The following RBFOX1 variants were observed in gnomAD, a reference collection of about 807,000 sequenced individuals.
The protein encoded by RBFOX1 is RNA binding protein fox-1 homolog 1.
A neutral mutation model predicts 57.7 loss-of-function variants in RBFOX1; 8 were observed. That is an observed-to-expected ratio of 0.14 (90% CI 0.08 to 0.25). RBFOX1 has a LOEUF of 0.25. RBFOX1 is among the 10% of genes least tolerant of loss of function. The pLI is 1.00. For missense variants in RBFOX1, 611 were observed against 548.5 expected, an observed-to-expected ratio of 1.11 and a Z score of -1.14; for synonymous variants, 326 against 222.4, an observed-to-expected ratio of 1.47 and a Z score of -4.15.
intron 4 of RBFOX1, among the ~76,000 whole-genome samples, chr16:5,867,847 G>T (rs1481061581): frequency 6.6e-6 from 1 of 152,064 alleles, no homozygotes; most frequent in African/African-American, 2.4e-5. Flanking sequence ...GAGTGGCTGG[G>T]ATTACAGGTG....
chr16:6,705,557 A>C (rs2062587540), intron 3 of RBFOX1: 1 of 152,156 alleles, frequency 6.6e-6, no homozygotes, highest in Non-Finnish European at 1.5e-5. Context: ...ATTCTCCAAA[A>C]AGGGAAGAAG....
At chr16:6,655,143 G>T (rs1034717682) in intron 3 of RBFOX1, among the ~76,000 whole-genome samples, 3 of 151,710 alleles carry the variant, frequency 2.0e-5, no homozygotes, top group Non-Finnish European at 4.4e-5. Context: ...GGAGGCAGAG[G>T]TGGGTGGATC....
rs150804213 is a variant in RBFOX1 at position 7,206,306 on chromosome 16, C to T, written c.27+154208C>T. Among the ~76,000 whole-genome samples the T allele has an allele frequency of 1.8e-3, 279 of 152,110 alleles. 1 individual carries two copies. The highest frequency in any genetic ancestry group is 6.3e-3 in the African/African-American group (261 of 41,496). On this transcript the variant is annotated intron_variant, in intron 4 of 15. Coordinates refer to ENST00000550418, the MANE Select transcript of RBFOX1 (RefSeq NM_018723.4). ...ATAATGGGAAGTAGGTGAAAGTTTT[C>T]AGGTTGTGTACCATGCAATTGGTTT...
chr16:7,572,906 A>G (rs1023749847), intron 5 of RBFOX1, among the ~76,000 whole-genome samples: 8 of 149,192 alleles, frequency 5.4e-5, no homozygotes, highest in Non-Finnish European at 1.2e-4. Context: ...ACATTGAGGA[A>G]CCGTACTATA....
intron 4 of RBFOX1, among the ~76,000 whole-genome samples, chr16:7,488,892 A>G (rs2066159644): frequency 6.6e-6 from 1 of 152,036 alleles, no homozygotes; most frequent in South Asian, 2.1e-4. Context: ...TCATTTTATC[A>G]TTATGTTTGT....
At chr16:7,205,230 G>C (rs982505289) in intron 4 of RBFOX1, among the ~76,000 whole-genome samples, 3 of 152,014 alleles carry the variant, frequency 2.0e-5, no homozygotes, top group African/African-American at 7.2e-5. Context: ...AAAATGTATG[G>C]AAATGGGCGG....
intron 5 of RBFOX1, among the ~76,000 whole-genome samples, chr16:7,571,277 C>A (rs1028160299): frequency 6.6e-6 from 1 of 152,176 alleles, no homozygotes; most frequent in Non-Finnish European, 1.5e-5. Context: ...AGATGCCACG[C>A]AGGTGGCCTC....
intron 4 of RBFOX1, among the ~76,000 whole-genome samples, chr16:7,263,127 T>G (rs920291606): frequency 5.3e-5 from 8 of 152,178 alleles, no homozygotes; most frequent in Non-Finnish European, 1.2e-4. Context: ...AAATGAGAAA[T>G]TAAATGCTAT....
chr16:6,902,273 T>A (rs1009801577), intron 3 of RBFOX1, among the ~76,000 whole-genome samples: 1 of 152,202 alleles, frequency 6.6e-6, no homozygotes, highest in Non-Finnish European at 1.5e-5. Context: ...CGTTTTTGTT[T>A]CCACTGTGTT....
In RBFOX1 at chr16:5,743,030, C is replaced by T. The variant is rs575047767; in HGVS notation, c.319-124273C>T. On this transcript the variant is annotated intron_variant, in intron 3 of 19. Transcript: ENST00000641259. ...AATAGAGATAGCAAAGGATTAACTC[C>T]GCTTACTATTAGCCTGTTTTTTTTT... is the stretch of plus-strand genomic sequence containing the variant. Among the ~76,000 whole-genome samples the T allele has an allele frequency of 5.3e-4, 81 of 152,260 alleles. 1 individual carries two copies. Among genetic ancestry groups the T allele is most frequent in the South Asian group, 4.6e-3 (22 of 4,812 alleles).
intron 4 of RBFOX1, among the ~76,000 whole-genome samples, chr16:7,364,439 A>G (rs985330686): frequency 2.6e-5 from 4 of 152,124 alleles, no homozygotes; most frequent in Non-Finnish European, 5.9e-5. Context: ...CGTGTTTAAC[A>G]TTTCATTTGA....
chr16:7,558,947 T>C (rs573659747), intron 5 of RBFOX1, among the ~76,000 whole-genome samples: 33 of 152,342 alleles, frequency 2.2e-4, no homozygotes, highest in South Asian at 6.2e-4. Flanking sequence ...TGTTACTCTT[T>C]TGAAGATTTT....
chr16:7,328,881 G>C (rs2096647736), intron 4 of RBFOX1: 1 of 152,118 alleles, frequency 6.6e-6, no homozygotes, highest in African/African-American at 2.4e-5. Context: ...CAAACCATGG[G>C]CTGTGAGCCC....
intron 1 of RBFOX1, chr16:5,467,151 T>A: frequency 7.2e-7 from 1 of 1,393,078 alleles, no homozygotes; most frequent in Middle Eastern, 1.8e-4. Context: ...AAAGCAATTG[T>A]TTCAATGTAG....
chr16:5,820,919 G>A (rs1414482918), intron 3 of RBFOX1, among the ~76,000 whole-genome samples: 2 of 152,112 alleles, frequency 1.3e-5, no homozygotes, highest in Non-Finnish European at 2.9e-5. Context: ...GCTCCACAAT[G>A]CCACACGTTT....
intron 4 of RBFOX1, among the ~76,000 whole-genome samples, chr16:7,187,286 AT>A (rs149364299): frequency 0.025 from 3,777 of 152,226 alleles, 159 homozygotes; most frequent in African/African-American, 0.087. Flanking sequence ...AATTAAAGTA[AT>A]TTTTTCTTAA....
intron 14 of RBFOX1, among the ~76,000 whole-genome samples, chr16:7,708,670 G>T (rs1002356042): frequency 6.6e-6 from 1 of 152,146 alleles, no homozygotes; most frequent in Admixed American, 6.5e-5. Flanking sequence ...GGAGAAAAAG[G>T]CACTCTCTTG....
chr16:5,858,842 G>A (rs559798866), intron 3 of RBFOX1, among the ~76,000 whole-genome samples: 15 of 152,306 alleles, frequency 9.8e-5, no homozygotes, highest in South Asian at 2.1e-4. Flanking sequence ...GAGTCCTGGC[G>A]GCTCAGTGGC....
At chr16:7,079,821 G>A (rs1404366114) in intron 4 of RBFOX1, among the ~76,000 whole-genome samples, 1 of 151,872 alleles carries the variant, frequency 6.6e-6, no homozygotes, top group Non-Finnish European at 1.5e-5. Flanking sequence ...TAACCCCATG[G>A]TTGCTAGTGG....
Sources: gnomAD v4.1 joint callset for allele counts (sites outside exome capture counted in the v4.1 genomes callset) on GRCh38, gnomAD v4.1.1 for gene constraint, MANE v1.5 for transcripts, NCBI Gene and HGNC (gene_info 2026-07-23, HGNC 2026-07-21) for gene names.